SNTG1: variants seen among roughly 807,000 people sequenced by gnomAD.
SNTG1 encodes syntrophin gamma 1.
A neutral mutation model predicts 74.7 loss-of-function variants in SNTG1; 39 were observed. That is an observed-to-expected ratio of 0.52 (90% CI 0.40 to 0.68). The LOEUF (loss-of-function observed/expected upper bound fraction) is 0.68, where lower values mean the gene tolerates loss of function less well. SNTG1 is among the 30% of genes least tolerant of loss of function. SNTG1 has a pLI of 0.00. For synonymous variants in SNTG1, 254 were observed against 217.1 expected (o/e 1.17, Z -1.49); for missense variants, 685 against 609.5 (o/e 1.12, Z -1.30).
At chr8:50,206,581 T>A (rs1203431203) in intron 2 of SNTG1, among the ~76,000 whole-genome samples, 1 of 152,186 alleles carries the variant, frequency 6.6e-6, no homozygotes, top group Non-Finnish European at 1.5e-5. Context: ...CTGATTGCCC[T>A]GGCCAGAACT....
chr8:50,188,719 G>T (rs1459957953), intron 2 of SNTG1, among the ~76,000 whole-genome samples: 1 of 152,000 alleles, frequency 6.6e-6, no homozygotes, highest in Non-Finnish European at 1.5e-5. Flanking sequence ...ACTTTTGGGG[G>T]CAAACAATAC....
intron 15 of SNTG1, among the ~76,000 whole-genome samples, chr8:50,676,974 A>G (rs945725259): frequency 1.3e-5 from 2 of 151,932 alleles, no homozygotes; most frequent in Admixed American, 6.6e-5. Context: ...CTGTTTTCCA[A>G]TATTTGGAGT....
At chr8:49,928,849 T>A (rs1273399492) in intron 1 of SNTG1, among the ~76,000 whole-genome samples, 1 of 152,052 alleles carries the variant, frequency 6.6e-6, no homozygotes, top group Non-Finnish European at 1.5e-5. Context: ...ACATGCATAA[T>A]TTATAAGTAA....
At chr8:50,780,002 C>A (rs2131825697) in intron 18 of SNTG1, among the ~76,000 whole-genome samples, 1 of 152,210 alleles carries the variant, frequency 6.6e-6, no homozygotes, top group East Asian at 1.9e-4. Context: ...TGCTGGATTA[C>A]ATTTATTGAT....
chr8:49,967,661 G>A (rs189876179), intron 1 of SNTG1, among the ~76,000 whole-genome samples: 5 of 152,256 alleles, frequency 3.3e-5, no homozygotes, highest in Admixed American at 3.3e-4. Context: ...AGAGTGCCAG[G>A]TGTCTGAGTT....
chr8:50,500,776 G>A lies in SNTG1; in HGVS notation c.364-2002G>A, dbSNP rs552334501. ...TGCTTTGTTCTGACTGATTTATCTC[G>A]TGTCACTGGGCACCCACTGTTCCCT... On this transcript the variant is annotated intron_variant, in intron 8 of 18. Transcript: ENST00000642720. Among the ~76,000 whole-genome samples the A allele has an allele frequency of 3.9e-5, 6 of 152,094 alleles. No homozygotes were observed. The South Asian group carries it at 6.2e-4, about 16-fold the overall frequency.
intron 13 of SNTG1, among the ~76,000 whole-genome samples, chr8:50,639,641 A>T (rs1305560003): frequency 6.6e-6 from 1 of 152,062 alleles, no homozygotes; most frequent in Non-Finnish European, 1.5e-5. Context: ...GACAGAAAAA[A>T]ATATTAAATT....
At chr8:50,219,590 C>A (rs934594005) in intron 2 of SNTG1, among the ~76,000 whole-genome samples, 58 of 152,114 alleles carry the variant, frequency 3.8e-4, no homozygotes, top group African/African-American at 1.4e-3. Context: ...GGGAATCAGA[C>A]ATGTGCTATA....
intron 8 of SNTG1, among the ~76,000 whole-genome samples, chr8:50,481,854 A>C (rs1035184308): frequency 3.9e-5 from 6 of 152,198 alleles, no homozygotes; most frequent in African/African-American, 1.4e-4. Context: ...GGCTTCCCTT[A>C]ATGTGTAATG....
chr8:50,014,306 T>G (rs1418955280), intron 1 of SNTG1, among the ~76,000 whole-genome samples: 1 of 152,124 alleles, frequency 6.6e-6, no homozygotes, highest in Admixed American at 6.6e-5. Context: ...ACAGCTCAAC[T>G]CAGGCAGGAC....
At chr8:50,578,233 T>C (rs2094587915) in intron 12 of SNTG1, among the ~76,000 whole-genome samples, 1 of 152,124 alleles carries the variant, frequency 6.6e-6, no homozygotes, top group South Asian at 2.1e-4. Flanking sequence ...TCTTTCTGAG[T>C]CCTCAGAAAA....
At chr8:50,658,479 A>G (rs1343989620) in intron 14 of SNTG1, 113 bp from the exon 15 acceptor site, 5 of 629,546 alleles carry the variant, frequency 7.9e-6, no homozygotes, top group Non-Finnish European at 1.4e-5. Context: ...CAGATGAGAG[A>G]CTAGATACAT....
At chr8:50,357,258 G>A (rs934319857) in intron 2 of SNTG1, among the ~76,000 whole-genome samples, 7 of 152,226 alleles carry the variant, frequency 4.6e-5, no homozygotes, top group African/African-American at 7.2e-5. Context: ...TCAGAGGGCA[G>A]CAGTCCAGTC....
chr8:50,717,441 C>G (rs891801745), intron 17 of SNTG1, among the ~76,000 whole-genome samples: 1 of 152,078 alleles, frequency 6.6e-6, no homozygotes, highest in Non-Finnish European at 1.5e-5. Context: ...TTTGCTTTTC[C>G]TTACAGCGTT....
At chr8:50,050,885 A>G (rs1223699821) in intron 1 of SNTG1, among the ~76,000 whole-genome samples, 1 of 152,108 alleles carries the variant, frequency 6.6e-6, no homozygotes, top group Non-Finnish European at 1.5e-5. Flanking sequence ...TTAATTTTCC[A>G]TATTAATAGA....
chr8:50,418,220 C>G (rs1294409314), intron 4 of SNTG1, among the ~76,000 whole-genome samples: 1 of 152,220 alleles, frequency 6.6e-6, no homozygotes, highest in Middle Eastern at 3.4e-3. Flanking sequence ...TGACATTTCT[C>G]TCTTCAACTT....
At chr8:50,756,786 T>C (rs533735958) in intron 18 of SNTG1, among the ~76,000 whole-genome samples, 76 of 151,888 alleles carry the variant, frequency 5.0e-4, no homozygotes, top group East Asian at 1.9e-4. Flanking sequence ...TTAGAATCAA[T>C]TTGTCAATAT....
intron 2 of SNTG1, among the ~76,000 whole-genome samples, chr8:50,373,018 G>A (rs1469169258): frequency 6.6e-6 from 1 of 152,044 alleles, no homozygotes; most frequent in Non-Finnish European, 1.5e-5. Flanking sequence ...TAAACATTTA[G>A]CTATTCTGCA....
intron 1 of SNTG1, among the ~76,000 whole-genome samples, chr8:50,041,057 C>A (rs187452522): frequency 6.6e-6 from 1 of 151,982 alleles, no homozygotes; most frequent in Admixed American, 6.6e-5. Flanking sequence ...CCACCATGCC[C>A]GGCTAATTTT....
Sources: allele counts gnomAD v4.1 joint callset (sites outside exome capture counted in the v4.1 genomes callset), GRCh38; gene constraint gnomAD v4.1.1; transcripts MANE v1.5; gene names NCBI Gene and HGNC (gene_info 2026-07-23, HGNC 2026-07-21).